The following AVEN variants were observed in gnomAD, a reference collection of about 807,000 sequenced individuals.
AVEN encodes the protein apoptosis and caspase activation inhibitor.
A neutral mutation model predicts 38.1 loss-of-function variants in AVEN; 41 were observed. The observed-to-expected ratio is 1.08, with a 90% CI of 0.84 to 1.40. The LOEUF is 1.40. AVEN is among the 40% of genes most tolerant of loss of function. AVEN has a pLI of 0.00. For synonymous variants in AVEN, 206 were observed against 171.8 expected, an observed-to-expected ratio of 1.20 and a Z score of -1.56; for missense variants, 605 against 438.8, an observed-to-expected ratio of 1.38 and a Z score of -3.38.
intron 1 of AVEN, among the ~76,000 whole-genome samples, chr15:34,008,519 T>G (rs1381034214): frequency 1.4e-5 from 2 of 142,470 alleles, no homozygotes; most frequent in Non-Finnish European, 3.0e-5. Context: ...GACAGAGTCT[T>G]GCTCTGTCAC....
intron 2 of AVEN, among the ~76,000 whole-genome samples, chr15:33,927,003 C>G (rs997969447): frequency 4.0e-5 from 6 of 151,892 alleles, no homozygotes; most frequent in South Asian, 4.2e-4. Flanking sequence ...GCCTGTAATC[C>G]CAGCACTTTG....
At chr15:33,986,549 T>C (rs1597314961) in intron 2 of AVEN, among the ~76,000 whole-genome samples, 2 of 152,284 alleles carry the variant, frequency 1.3e-5, no homozygotes, top group Middle Eastern at 6.8e-3. Context: ...TTTCTGAAAC[T>C]TAATGATTTT....
rs1281396008 is a variant in AVEN, at chr15:34,028,613, GACA to G, written c.267+10164_267+10166del. ...AAAAAGAAGACCCTGAATGAGAGAG[GACA>G]GCAAAGTGGCAAAGTGACTATAAAT... On this transcript the variant is annotated intron_variant, in intron 1 of 5. Transcript: ENST00000306730. 2.7e-3 allele frequency among the ~76,000 whole-genome samples: 410 copies of G among 152,192 alleles called. 1 individual carries two copies. Among genetic ancestry groups the G allele is most frequent in the Admixed American group, 7.2e-3 (110 of 15,270 alleles).
intron 2 of AVEN, among the ~76,000 whole-genome samples, chr15:33,898,144 G>A (rs532962613): frequency 4.6e-5 from 7 of 152,238 alleles, no homozygotes; most frequent in African/African-American, 9.6e-5. Flanking sequence ...AGCCGAGATC[G>A]CACCACTGCA....
chr15:33,867,556 T>A lies in AVEN; in HGVS notation c.912A>T (p.Pro304=). ...ATTTCAGGTCCTGAGACGTCTGATC[T>A]GGTAAGATGTTATCTCCCTCTTTTA... The part of the protein sequence containing the change: ...APIKEGDNIL[P]DQTSQDLKSK... The change falls in exon 5 of 6, where the codon CCA becomes CCT. Residue 304 remains proline, a synonymous_variant. Transcript: ENST00000306730. The A allele has an allele frequency of 6.2e-7, 1 of 1,613,246 alleles. No homozygotes were observed. Among genetic ancestry groups the A allele is most frequent in the Non-Finnish European group, 8.5e-7 (1 of 1,179,736 alleles).
chr15:34,055,188 G>A (rs150296613), intron 5 of AVEN, among the ~76,000 whole-genome samples: 3,169 of 145,836 alleles, frequency 0.022, 88 homozygotes, highest in African/African-American at 0.054. Flanking sequence ...GTGAAACTCC[G>A]TCTCAAAAAA....
At chr15:34,056,315 T>G (rs536286592) in intron 5 of AVEN, among the ~76,000 whole-genome samples, 1 of 152,312 alleles carries the variant, frequency 6.6e-6, no homozygotes. Context: ...TCACAAGATT[T>G]TAGCCGAAAT....
intron 2 of AVEN, among the ~76,000 whole-genome samples, chr15:33,961,615 C>T (rs951552520): frequency 3.1e-4 from 47 of 151,508 alleles, no homozygotes; most frequent in East Asian, 7.8e-4. Flanking sequence ...AGATCGAGAC[C>T]ATTCTGGCTA....
chr15:33,900,748 A>C (rs756614497), intron 2 of AVEN, among the ~76,000 whole-genome samples: 16 of 152,238 alleles, frequency 1.1e-4, no homozygotes, highest in Non-Finnish European at 2.1e-4. Flanking sequence ...TATAGGTGAC[A>C]AGTTTAAATC....
intron 3 of AVEN, among the ~76,000 whole-genome samples, chr15:33,875,575 G>T (rs1229550368): frequency 6.6e-6 from 1 of 152,170 alleles, no homozygotes; most frequent in African/African-American, 2.4e-5. Flanking sequence ...GTGAGAGACA[G>T]AAAACTAATT....
chr15:33,870,925 G>A lies in AVEN; in HGVS notation c.612+10C>T, dbSNP rs1218448006. ...ATCCACCCGCTTCAAGAGGGCTTCG[G>A]GATTTTTACCTGGACCAGTTCGGCA... On this transcript the variant is annotated intron_variant, in intron 4 of 5. Transcript: ENST00000306730. The A allele has an allele frequency of 6.2e-7, 1 of 1,608,152 alleles. No homozygotes were observed.
intron 2 of AVEN, among the ~76,000 whole-genome samples, chr15:33,923,767 G>A (rs1475529670): frequency 1.3e-5 from 2 of 151,826 alleles, no homozygotes; most frequent in South Asian, 2.1e-4. Flanking sequence ...GGGAGAGTGA[G>A]CAAAGCTTCA....
intron 1 of AVEN, among the ~76,000 whole-genome samples, chr15:34,035,915 C>G (rs1013749494): frequency 2.0e-5 from 3 of 152,248 alleles, no homozygotes; most frequent in South Asian, 2.1e-4. Flanking sequence ...GCTGCTTCAG[C>G]CTCCCTTGTA....
At chr15:33,975,756 C>T (rs944038936) in intron 2 of AVEN, among the ~76,000 whole-genome samples, 2 of 152,116 alleles carry the variant, frequency 1.3e-5, no homozygotes, top group African/African-American at 4.8e-5. Flanking sequence ...ATGGTGAAAT[C>T]CCATCTCTAC....
At chr15:33,860,504 T>C (rs766279220) in intron 11 of AVEN, 90 of 719,132 alleles carry the variant, frequency 1.3e-4, no homozygotes, top group Admixed American at 2.7e-4. Flanking sequence ...CACTTTTTTT[T>C]TTTAACAGAA....
chr15:33,918,566 G>T (rs535735809), intron 2 of AVEN, among the ~76,000 whole-genome samples: 2 of 142,222 alleles, frequency 1.4e-5, no homozygotes, highest in South Asian at 4.5e-4. Flanking sequence ...TGCCTCCCGG[G>T]TTCAAGCGAT....
intron 1 of AVEN, among the ~76,000 whole-genome samples, chr15:34,018,967 G>C (rs999767811): frequency 8.6e-5 from 13 of 151,920 alleles, no homozygotes; most frequent in African/African-American, 3.1e-4. Context: ...ACAGAGTGCT[G>C]ATTGGTGTGT....
At chr15:33,907,121 G>GC (rs1368911411) in intron 2 of AVEN, among the ~76,000 whole-genome samples, 1 of 152,090 alleles carries the variant, frequency 6.6e-6, no homozygotes, top group African/African-American at 2.4e-5. Context: ...CCTCATACTA[G>GC]CATCTGGACC....
chr15:33,853,716 GCTAAAA>G, the AVEN span: 1 of 1,601,626 alleles, frequency 6.2e-7, no homozygotes, highest in Non-Finnish European at 8.5e-7. Context: ...ATCCAAAGCA[GCTAAAA>G]TAGATAGATC....
Sources: gnomAD v4.1 joint callset for allele counts (sites outside exome capture counted in the v4.1 genomes callset) on GRCh38, gnomAD v4.1.1 for gene constraint, MANE v1.5 for transcripts, NCBI Gene and HGNC (gene_info 2026-07-23, HGNC 2026-07-21) for gene names.